LRTM1: variants seen among roughly 807,000 people sequenced by gnomAD.
LRTM1 encodes leucine-rich repeat and transmembrane domain-containing protein 1.
LRTM1 carries 38 observed loss-of-function variants against 32.4 expected under a neutral mutation model. The ratio of observed to expected loss-of-function variants is 1.17; its 90% CI spans 0.91 to 1.54. The LOEUF (loss-of-function observed/expected upper bound fraction) is 1.54, where lower values mean the gene tolerates loss of function less well. LRTM1 is among the 40% of genes most tolerant of loss of function. The pLI is 0.00. For synonymous variants in LRTM1, 186 were observed against 169.9 expected (o/e 1.09, Z -0.74); for missense variants, 466 against 415.4 (o/e 1.12, Z -1.06).
intron 1 of LRTM1, among the ~76,000 whole-genome samples, chr3:54,944,576 C>G (rs1201086291): frequency 6.6e-6 from 1 of 151,964 alleles, no homozygotes; most frequent in Non-Finnish European, 1.5e-5. Context: ...GCCCACCACC[C>G]TGCCTGGCTA....
intron 2 of LRTM1, among the ~76,000 whole-genome samples, chr3:54,921,964 T>C (rs1700865055): frequency 3.3e-5 from 5 of 152,236 alleles, no homozygotes; most frequent in Non-Finnish European, 7.3e-5. Context: ...TTTGCCTGTA[T>C]TCAATATATC....
chr3:54,955,154 G>T (rs924164489), intron 1 of LRTM1, among the ~76,000 whole-genome samples: 1 of 152,166 alleles, frequency 6.6e-6, no homozygotes, highest in African/African-American at 2.4e-5. Flanking sequence ...ACCCAGTGGG[G>T]TACAGAAGCT....
Position 54,924,894 on chromosome 3 carries a change from AGT to A in LRTM1, c.327_328del (p.Leu110ProfsTer18), listed in dbSNP as rs1242082065. 1 of 1,613,794 alleles carries A rather than the reference AGT, an allele frequency of 6.2e-7. No homozygotes were observed. On this transcript the variant is annotated frameshift_variant, in exon 2 of 3. Coordinates refer to ENST00000273286, the MANE Select transcript of LRTM1 (RefSeq NM_020678.4). LOFTEE classifies it high-confidence loss of function. ...GAAAAGTCTGCTTTCCAGGGAAAGG[AGT>A]GAATTCTGGGTTAGATTTAAAACCT...
intron 1 of LRTM1, among the ~76,000 whole-genome samples, chr3:54,925,460 C>A (rs1202539295): frequency 6.6e-6 from 1 of 152,164 alleles, no homozygotes. Flanking sequence ...AAGATACTCT[C>A]AGTGTCTTCT....
intron 1 of LRTM1, among the ~76,000 whole-genome samples, chr3:54,952,293 C>G (rs1196058915): frequency 6.6e-6 from 1 of 152,158 alleles, no homozygotes; most frequent in Non-Finnish European, 1.5e-5. Flanking sequence ...AACTAAGCCC[C>G]CCAGGGCTCT....
chr3:54,936,531 C>T (rs1701334160), intron 1 of LRTM1, among the ~76,000 whole-genome samples: 1 of 152,216 alleles, frequency 6.6e-6, no homozygotes, highest in Non-Finnish European at 1.5e-5. Context: ...CTTGACTTTG[C>T]TGCAGCCTCC....
chr3:54,936,749 G>T (rs1701339303), intron 1 of LRTM1, among the ~76,000 whole-genome samples: 1 of 152,162 alleles, frequency 6.6e-6, no homozygotes, highest in African/African-American at 2.4e-5. Context: ...AAAGCATGTA[G>T]TCATCTCCCC....
chr3:54,918,315 A>G lies in LRTM1; in HGVS notation c.*144T>C, dbSNP rs1575370863. ...TCCTCCCCAGAAATATTTTTTACAG[A>G]CACATCTTTTTTTTTTCTTTTTTTT... On this transcript the variant is annotated 3_prime_UTR_variant, in exon 3 of 3. Transcript: ENST00000273286. The G allele has an allele frequency of 1.3e-6, 1 of 779,568 alleles. No homozygotes were observed. The highest frequency in any genetic ancestry group is 1.9e-5 in the African/African-American group (1 of 52,556). The allele number at this position is 779,568 out of a possible 1,614,324, so 48.3% of individuals were successfully genotyped here. A position where few individuals can be genotyped will look rare whatever the true frequency, so the allele number is the denominator to read the frequency against.
chr3:54,962,568 G>A (rs1022250252), intron 1 of LRTM1, among the ~76,000 whole-genome samples: 1 of 152,208 alleles, frequency 6.6e-6, no homozygotes, highest in Non-Finnish European at 1.5e-5. Context: ...CAAAAATTCT[G>A]TTCAGAAGCC....
intron 2 of LRTM1, among the ~76,000 whole-genome samples, chr3:54,920,414 C>T (rs893291148): frequency 4.6e-5 from 7 of 152,156 alleles, no homozygotes; most frequent in African/African-American, 1.7e-4. Context: ...TCACCCACCA[C>T]CAGAGTGTCT....
chr3:54,925,309 C>G, intron 1 of LRTM1, 94 bp from the exon 2 acceptor site: 1 of 1,050,968 alleles, frequency 9.5e-7, no homozygotes, highest in Non-Finnish European at 1.4e-6. Flanking sequence ...AATGTGCTTT[C>G]CAGCCAGGTG....
At chr3:54,946,831 AT>A (rs1701626865) in intron 1 of LRTM1, among the ~76,000 whole-genome samples, 1 of 140,294 alleles carries the variant, frequency 7.1e-6, no homozygotes, top group African/African-American at 2.7e-5. Context: ...AAAAAAAAAA[AT>A]GATGGGACCA....
intron 1 of LRTM1, among the ~76,000 whole-genome samples, chr3:54,951,487 CTGTCCTG>C: frequency 6.6e-6 from 1 of 152,352 alleles, no homozygotes; most frequent in East Asian, 1.9e-4. Flanking sequence ...TGGGGGGCTG[CTGTCCTG>C]TGAGTTGTAG....
chr3:54,929,336 C>G (rs1701122183), upstream of LRTM1, among the ~76,000 whole-genome samples: 1 of 152,216 alleles, frequency 6.6e-6, no homozygotes, highest in African/African-American at 2.4e-5. Flanking sequence ...GATTTGTATG[C>G]TGCCAACTTC....
At chr3:54,962,551 T>C (rs1250374223) in intron 1 of LRTM1, among the ~76,000 whole-genome samples, 1 of 152,236 alleles carries the variant, frequency 6.6e-6, no homozygotes, top group Non-Finnish European at 1.5e-5. Flanking sequence ...CACTGATTTT[T>C]GTCCCACAAA....
chr3:54,966,873 C>CT (rs59983457), intron 1 of LRTM1: 40 of 152,350 alleles, frequency 2.6e-4, no homozygotes, highest in African/African-American at 9.4e-4. Flanking sequence ...ATATTTCTCT[C>CT]TAACTGCTGA....
At chr3:54,926,563 C>T (rs1701027903) in intron 1 of LRTM1, among the ~76,000 whole-genome samples, 1 of 149,626 alleles carries the variant, frequency 6.7e-6, no homozygotes, top group Non-Finnish European at 1.5e-5. Context: ...CTCTGTTTTA[C>T]ATAACACTTT....
chr3:54,943,266 T>G (rs1392695121), intron 1 of LRTM1, among the ~76,000 whole-genome samples: 2 of 152,042 alleles, frequency 1.3e-5, no homozygotes, highest in African/African-American at 4.8e-5. Flanking sequence ...CATGCCCTGA[T>G]CCATCATTCC....
upstream of LRTM1, among the ~76,000 whole-genome samples, chr3:54,929,306 T>C (rs1701120809): frequency 6.6e-6 from 1 of 152,188 alleles, no homozygotes; most frequent in Non-Finnish European, 1.5e-5. Context: ...TTCACAATTT[T>C]GCATGAGAAA....
Sources: gnomAD v4.1 joint callset for allele counts (sites outside exome capture counted in the v4.1 genomes callset) on GRCh38, gnomAD v4.1.1 for gene constraint, MANE v1.5 for transcripts, NCBI Gene and HGNC (gene_info 2026-07-23, HGNC 2026-07-21) for gene names.